TSHZ2: variants seen among roughly 807,000 people sequenced by gnomAD.
The protein encoded by TSHZ2 is teashirt zinc finger homeobox 2.
A neutral mutation model predicts 74.4 loss-of-function variants in TSHZ2; 21 were observed. The observed-to-expected ratio is 0.28, with a 90% CI of 0.20 to 0.41. TSHZ2 has a LOEUF of 0.41. Ranked by LOEUF, TSHZ2 falls within the 10% of genes least tolerant of loss-of-function variation. The pLI, the probability that TSHZ2 is intolerant of heterozygous loss-of-function variation, is 1.00. For missense variants in TSHZ2, 1,244 were observed against 1,293.5 expected, an observed-to-expected ratio of 0.96 and a Z score of 0.59; for synonymous variants, 540 against 515.3, an observed-to-expected ratio of 1.05 and a Z score of -0.65.
chr20:53,294,778 TC>T (rs1387107698), intron 2 of TSHZ2, among the ~76,000 whole-genome samples: 3 of 152,238 alleles, frequency 2.0e-5, no homozygotes, highest in Non-Finnish European at 2.9e-5. Context: ...AATCCTCTAA[TC>T]CTTTTTGTGA....
At chr20:53,447,673 T>G (rs1359540408) in intron 2 of TSHZ2, among the ~76,000 whole-genome samples, 1 of 152,224 alleles carries the variant, frequency 6.6e-6, no homozygotes, top group African/African-American at 2.4e-5. Flanking sequence ...TTTATGAGCT[T>G]GACACTTCTG....
intron 1 of TSHZ2, among the ~76,000 whole-genome samples, chr20:53,020,212 G>A (rs1191323933): frequency 6.6e-6 from 1 of 152,202 alleles, no homozygotes; most frequent in Non-Finnish European, 1.5e-5. Flanking sequence ...TGGGGACACA[G>A]AGCCCAACCA....
At chr20:53,203,307 G>C (rs1989055368) in intron 1 of TSHZ2, among the ~76,000 whole-genome samples, 2 of 149,292 alleles carry the variant, frequency 1.3e-5, no homozygotes, top group African/African-American at 5.0e-5. Flanking sequence ...CAATTCTCCT[G>C]CCTCAGCTTC....
At chr20:53,033,875 G>A (rs1343320410) in intron 1 of TSHZ2, among the ~76,000 whole-genome samples, 1 of 151,846 alleles carries the variant, frequency 6.6e-6, no homozygotes, top group Non-Finnish European at 1.5e-5. Context: ...GGCCAGGTTA[G>A]TCTCGAACTC....
intron 2 of TSHZ2, among the ~76,000 whole-genome samples, chr20:53,316,401 G>A (rs1261940880): frequency 2.0e-5 from 3 of 151,968 alleles, no homozygotes; most frequent in Admixed American, 6.5e-5. Context: ...CAGCGTAGTA[G>A]GGGGTTGGTG....
At chr20:53,282,325 T>C (rs1217019282) in intron 2 of TSHZ2, among the ~76,000 whole-genome samples, 1 of 152,226 alleles carries the variant, frequency 6.6e-6, no homozygotes, top group African/African-American at 2.4e-5. Context: ...TATACAGGAA[T>C]CACGTTTTTG....
intron 1 of TSHZ2, among the ~76,000 whole-genome samples, chr20:53,252,523 T>C (rs1028945214): frequency 2.0e-5 from 3 of 152,228 alleles, no homozygotes; most frequent in African/African-American, 7.2e-5. Context: ...CCCATCTCCA[T>C]TGATGGATAT....
At chr20:53,034,947 G>C (rs1030695965) in intron 1 of TSHZ2, among the ~76,000 whole-genome samples, 1 of 152,222 alleles carries the variant, frequency 6.6e-6, no homozygotes, top group Admixed American at 6.5e-5. Flanking sequence ...GATTACTCCA[G>C]CAGCTGTGAA....
intron 2 of TSHZ2, among the ~76,000 whole-genome samples, chr20:53,311,716 CA>C (rs1978796128): frequency 6.6e-6 from 1 of 152,222 alleles, no homozygotes; most frequent in Admixed American, 6.5e-5. Context: ...TTTCCACTCT[CA>C]TGAGCACTGT....
intron 2 of TSHZ2, among the ~76,000 whole-genome samples, chr20:53,314,287 C>CAAAAAA (rs5841941): frequency 7.6e-6 from 1 of 131,706 alleles, no homozygotes; most frequent in Non-Finnish European, 1.6e-5. Context: ...GACTCTGTCT[C>CAAAAAA]AAAAAAAAAA....
At chr20:53,100,361 C>T (rs765094074) in intron 1 of TSHZ2, among the ~76,000 whole-genome samples, 2 of 152,158 alleles carry the variant, frequency 1.3e-5, no homozygotes, top group East Asian at 3.8e-4. Flanking sequence ...AAAGTCTAAA[C>T]CCCTCGTTGG....
At chr20:53,197,192 T>C (rs1988891185) in intron 1 of TSHZ2, among the ~76,000 whole-genome samples, 1 of 152,252 alleles carries the variant, frequency 6.6e-6, no homozygotes, top group South Asian at 2.1e-4. Context: ...AAGTGGTTCA[T>C]TACTGATTTA....
intron 1 of TSHZ2, among the ~76,000 whole-genome samples, chr20:53,056,379 C>T (rs953102835): frequency 4.6e-5 from 7 of 152,142 alleles, no homozygotes; most frequent in East Asian, 1.9e-4. Flanking sequence ...GAGGAAAAGC[C>T]AAGATGGGAA....
intron 1 of TSHZ2, among the ~76,000 whole-genome samples, chr20:53,004,488 A>G (rs537352175): frequency 1.3e-5 from 2 of 152,264 alleles, no homozygotes; most frequent in African/African-American, 4.8e-5. Flanking sequence ...TTGCCCCGCC[A>G]CCTCTTCCTG....
At position 53,255,837 on chromosome 20, in the gene TSHZ2, T is replaced by G. The variant is rs1042118282; in HGVS notation, c.2379T>G (p.Ser793=). 2 of 1,612,394 alleles carry G rather than the reference T, an allele frequency of 1.2e-6. No individual in the cohort carries two copies. The highest frequency in any genetic ancestry group is 2.7e-5 in the African/African-American group (2 of 74,998). The change falls in exon 2 of 3, where the codon TCT becomes TCG. Residue 793 remains serine (S), a synonymous_variant. Transcript: ENST00000371497. The surrounding 1 kb of genome is among the most constrained non-coding windows in gnomAD (Gnocchi z 4.1). ...CCCCACCTCAGAAGCACGCTCTGTC[T>G]GACATCGCCGACATGGTCAAAGTCC... is the stretch of plus-strand genomic sequence containing the variant. ...CMSPPQKHAL[S]DIADMVKVLP...
intron 2 of TSHZ2, among the ~76,000 whole-genome samples, chr20:53,367,416 T>C (rs756001760): frequency 1.5e-4 from 22 of 151,558 alleles, no homozygotes; most frequent in Non-Finnish European, 2.2e-4. Context: ...AAAAATAAAA[T>C]AATAAAATAA....
Position 52,995,543 on chromosome 20 carries a change from G to C in TSHZ2, c.40+22210G>C, listed in dbSNP as rs568575706. Among the ~76,000 whole-genome samples, 312 of 152,190 alleles carry C rather than the reference G, an allele frequency of 2.1e-3. 1 individual carries two copies. Among genetic ancestry groups the C allele is most frequent in the African/African-American group, 7.3e-3 (302 of 41,512 alleles). On this transcript the variant is annotated intron_variant, in intron 1 of 2. Transcript: ENST00000371497. ...TAGCTGTCCACTACATTCTCTATAG[G>C]GTTGCAACCAAGTGCTTTGAACTCA...
At chr20:53,169,235 T>C (rs1418827631) in intron 1 of TSHZ2, among the ~76,000 whole-genome samples, 2 of 152,232 alleles carry the variant, frequency 1.3e-5, no homozygotes, top group Admixed American at 6.5e-5. Context: ...CTCACCTTTC[T>C]GGGCTTTATT....
chr20:53,267,034 T>C (rs1419411954), intron 2 of TSHZ2, among the ~76,000 whole-genome samples: 1 of 152,152 alleles, frequency 6.6e-6, no homozygotes, highest in Non-Finnish European at 1.5e-5. Flanking sequence ...TGCCTCAGCC[T>C]CCCAAAGTGC....
Sources: allele counts gnomAD v4.1 joint callset (sites outside exome capture counted in the v4.1 genomes callset), GRCh38; gene constraint gnomAD v4.1.1; non-coding constraint Gnocchi (gnomAD v3.1); transcripts MANE v1.5; gene names NCBI Gene and HGNC (gene_info 2026-07-23, HGNC 2026-07-21).